The following CPAMD8 variants were observed in gnomAD, a reference collection of about 807,000 sequenced individuals.
CPAMD8 encodes C3 and PZP-like alpha-2-macroglobulin domain-containing protein 8.
A neutral mutation model predicts 224.7 loss-of-function variants in CPAMD8; 146 were observed. That is an observed-to-expected ratio of 0.65 (90% CI 0.57 to 0.75). The LOEUF (loss-of-function observed/expected upper bound fraction) is 0.75. Among genes scored for constraint, CPAMD8 ranks in the 30% least tolerant of loss-of-function variants. CPAMD8 has a pLI of 0.00. For synonymous variants in CPAMD8, 966 were observed against 1,044.6 expected, an observed-to-expected ratio of 0.92 and a Z score of 1.45; for missense variants, 2,301 against 2,537.5, an observed-to-expected ratio of 0.91 and a Z score of 2.00.
chr19:16,978,187 C>T (rs952997652), intron 14 of CPAMD8, among the ~76,000 whole-genome samples: 1 of 152,020 alleles, frequency 6.6e-6, no homozygotes, highest in Non-Finnish European at 1.5e-5. Context: ...TAGGGGAAAG[C>T]GGGGACACAA....
At chr19:16,906,370 CTTTCTTTCTTTCTTTCTTTCTTTCT>C (rs1568459323) in intron 30 of CPAMD8, among the ~76,000 whole-genome samples, 1,311 of 90,734 alleles carry the variant, frequency 0.014, 29 homozygotes, top group Non-Finnish European at 0.019. Context: ...TTCTTTCTTT[CTTTCTTTCTTTCTTTCTTTCTTTCT>C]TTCTTTCTTT....
intron 13 of CPAMD8, among the ~76,000 whole-genome samples, chr19:16,981,370 A>G (rs954676313): frequency 2.2e-4 from 33 of 152,108 alleles, no homozygotes; most frequent in African/African-American, 8.0e-4. Flanking sequence ...CCAAAAAAAA[A>G]TAAAAATAAA....
At chr19:16,971,089 C>A in intron 17 of CPAMD8, 56 bp from the exon 18 acceptor site, 2 of 1,488,786 alleles carry the variant, frequency 1.3e-6, no homozygotes, top group Non-Finnish European at 1.8e-6. Flanking sequence ...TGACAGCCCC[C>A]AGAAGCATAA....
chr19:16,988,478 TG>T (rs980132261), intron 13 of CPAMD8, among the ~76,000 whole-genome samples: 1 of 151,960 alleles, frequency 6.6e-6, no homozygotes, highest in Non-Finnish European at 1.5e-5. Flanking sequence ...GGCATTGTGG[TG>T]GGCACCTGTA....
intron 22 of CPAMD8, among the ~76,000 whole-genome samples, chr19:16,939,549 G>T (rs1334770050): frequency 6.6e-6 from 1 of 152,096 alleles, no homozygotes; most frequent in Non-Finnish European, 1.5e-5. Context: ...CTGGGCTCCA[G>T]GATGCCCAGG....
At chr19:17,011,789 A>T in intron 3 of CPAMD8, 32 bp from the exon 4 acceptor site, 1 of 1,604,314 alleles carries the variant, frequency 6.2e-7, no homozygotes, top group Non-Finnish European at 8.5e-7. Flanking sequence ...TTGGGACAAG[A>T]ATTCACCCTG....
At chr19:16,979,269 G>GCCATCCAT (rs149849849) in intron 14 of CPAMD8, among the ~76,000 whole-genome samples, 2,886 of 144,986 alleles carry the variant, frequency 0.02, 108 homozygotes, top group African/African-American at 0.07. Context: ...CCACCCATTA[G>GCCATCCAT]CCATCCATCC....
chr19:17,020,924 G>A (rs1367356635), intron 2 of CPAMD8, among the ~76,000 whole-genome samples: 11 of 151,920 alleles, frequency 7.2e-5, no homozygotes, highest in Admixed American at 4.6e-4. Flanking sequence ...AGCACACAAC[G>A]CACGTGGCTC....
At chr19:16,946,177 TTG>T (rs567119508) in intron 21 of CPAMD8, among the ~76,000 whole-genome samples, 28 of 150,942 alleles carry the variant, frequency 1.9e-4, no homozygotes, top group South Asian at 4.2e-4. Flanking sequence ...TGTGTATGAT[TTG>T]TGTGTGTGTG....
chr19:16,994,010 G>A (rs577362412), intron 11 of CPAMD8, among the ~76,000 whole-genome samples: 2 of 152,290 alleles, frequency 1.3e-5, no homozygotes, highest in South Asian at 4.1e-4. Context: ...GGCTGAGGTG[G>A]GAGGATCACT....
At chr19:16,930,965 TG>T (rs1227797961) in intron 23 of CPAMD8, among the ~76,000 whole-genome samples, 1 of 152,158 alleles carries the variant, frequency 6.6e-6, no homozygotes, top group Non-Finnish European at 1.5e-5. Context: ...ATGACCTCAC[TG>T]CCCCCAGCAG....
intron 3 of CPAMD8, 55 bp from the exon 4 acceptor site, chr19:17,011,812 A>C: frequency 6.3e-7 from 1 of 1,574,814 alleles, no homozygotes; most frequent in South Asian, 1.2e-5. Flanking sequence ...ATGGGCCAAG[A>C]TACTGGGGAA....
At position 16,921,933 on chromosome 19, in the gene CPAMD8, C is replaced by T; in HGVS notation, c.3601G>A (p.Gly1201Arg). 6.5e-7 allele frequency: 1 copy of T among 1,547,062 alleles called. No individual in the cohort carries two copies. The highest frequency in any genetic ancestry group is 1.2e-5 in the South Asian group (1 of 84,058). The change falls in exon 27 of 42, where the codon GGG becomes AGG. Residue 1201 changes from glycine to arginine, a missense_variant. This residue lies in a region of CPAMD8 where 1,709 missense variants were observed against 1,753.2 expected (regional missense o/e 0.97). Coordinates refer to ENST00000443236, the MANE Select transcript of CPAMD8 (RefSeq NM_015692.5). The part of the protein sequence containing the change: ...KRQDGSYSAF[G>R]ERDASGSMWL... Reference sequence around the variant, plus strand: ...ATGCTCCCCGATGCGTCCCGCTCCCCAAACGCGCTGTAGGAGCCATCCTGG... The same window carrying T: ...ATGCTCCCCGATGCGTCCCGCTCCCTAAACGCGCTGTAGGAGCCATCCTGG...
chr19:17,008,781 C>T (rs988012060), intron 6 of CPAMD8: 9 of 600,184 alleles, frequency 1.5e-5, no homozygotes, highest in Non-Finnish European at 2.4e-5. Flanking sequence ...TTTAGGGAGC[C>T]GTGTACAAAC....
intron 12 of CPAMD8, among the ~76,000 whole-genome samples, chr19:16,992,530 C>T (rs2055990226): frequency 6.6e-6 from 1 of 152,148 alleles, no homozygotes; most frequent in Non-Finnish European, 1.5e-5. Flanking sequence ...TGGCTCGCTG[C>T]GACTTCCACC....
chr19:17,023,476 A>C (rs2057008644), intron 1 of CPAMD8, among the ~76,000 whole-genome samples: 1 of 152,214 alleles, frequency 6.6e-6, no homozygotes, highest in Non-Finnish European at 1.5e-5. Context: ...ACCATGTAGA[A>C]TGATGGAAAT....
At chr19:16,956,782 C>G (rs2054486111) in intron 19 of CPAMD8, among the ~76,000 whole-genome samples, 1 of 152,128 alleles carries the variant, frequency 6.6e-6, no homozygotes, top group African/African-American at 2.4e-5. Flanking sequence ...ACTCTCTTAC[C>G]TCAGCCTCCC....
At chr19:16,917,491 C>T (rs1481431642) in intron 27 of CPAMD8, among the ~76,000 whole-genome samples, 3 of 151,788 alleles carry the variant, frequency 2.0e-5, no homozygotes, top group Non-Finnish European at 4.4e-5. Flanking sequence ...CTCATGCCAG[C>T]AGTGTTTGGG....
At position 16,904,320 on chromosome 19, in the gene CPAMD8, G is replaced by A. The variant is rs200927278; in HGVS notation, c.4157C>T (p.Thr1386Ile). The change falls in exon 32 of 42, where the codon ACC becomes ATC. Residue 1386 changes from threonine to isoleucine, a missense_variant. By Grantham distance (89) the Thr-to-Ile change is moderately conservative. Transcript: ENST00000443236. ...AGCCACGTCACCCAGCAGAGTGTAG[G>A]TCAGAAGGGCGTAGGCTGTCATTTC... ...EVEMTAYALL[T>I]YTLLGDVAAA... 1.9e-6 allele frequency: 3 copies of A among 1,613,630 alleles called. No homozygotes were observed. The highest frequency in any genetic ancestry group is 2.5e-6 in the Non-Finnish European group (3 of 1,179,952).
Sources: allele counts gnomAD v4.1 joint callset (sites outside exome capture counted in the v4.1 genomes callset), GRCh38; gene constraint gnomAD v4.1.1; regional missense constraint gnomAD v4.1.1; transcripts MANE v1.5; gene names NCBI Gene and HGNC (gene_info 2026-07-23, HGNC 2026-07-21).